SLC26A6: variants seen among roughly 807,000 people sequenced by gnomAD.
The protein encoded by SLC26A6 is solute carrier family 26 member 6.
A neutral mutation model predicts 87.1 loss-of-function variants in SLC26A6; 67 were observed. That is an observed-to-expected ratio of 0.77 (90% CI 0.63 to 0.94). The LOEUF is 0.94. Ranked by LOEUF, SLC26A6 falls within the 40% of genes least tolerant of loss-of-function variation. The pLI, the probability that SLC26A6 is intolerant of heterozygous loss-of-function variation, is 0.00. For missense variants in SLC26A6, 902 were observed against 973.0 expected, an observed-to-expected ratio of 0.93 and a Z score of 0.97; for synonymous variants, 414 against 405.9, an observed-to-expected ratio of 1.02 and a Z score of -0.24.
chr3:48,628,814 C>T lies in SLC26A6; in HGVS notation c.1600-100G>A, dbSNP rs2046699301. The T allele has an allele frequency of 5.8e-6, 8 of 1,368,674 alleles. No homozygotes were observed. Among genetic ancestry groups the T allele is most frequent in the South Asian group, 3.8e-5 (3 of 79,336 alleles). 84.8% of individuals were successfully genotyped at this position (1,368,674 alleles called of 1,614,324 possible). A position where few individuals can be genotyped will look rare whatever the true frequency, so the allele number is the denominator to read the frequency against. On this transcript the variant is annotated intron_variant, in intron 14 of 20. Transcript: ENST00000395550. The surrounding 1 kb of genome is among the most constrained non-coding windows in gnomAD (Gnocchi z 4.4). ...CCCTAGTGTGCCCAGTGCCTGCCAC[C>T]GCCCAGCCCTCTGCTCCCCAGGCTG...
At position 48,633,482 on chromosome 3, in the gene SLC26A6, C is replaced by A; in HGVS notation, c.177G>T (p.Trp59Cys). The A allele has an allele frequency of 6.2e-7, 1 of 1,612,980 alleles. No homozygotes were observed. The highest frequency in any genetic ancestry group is 8.5e-7 in the Non-Finnish European group (1 of 1,179,908). ...GGCCCCAATCTTGGCCTTACTGCAACCAGGTCCGCCACTGGTGGGTCCTAG... is the reference window on the plus strand; with the variant it reads ...GGCCCCAATCTTGGCCTTACTGCAAACAGGTCCGCCACTGGTGGGTCCTAG... ...SAPRTHQWRT[W>C]LQCSRARAYA... Residue 59 changes from tryptophan (W) to cysteine (C), a missense_variant, in exon 2 of 21, where the codon TGG (tryptophan) becomes TGT (cysteine). Around this residue, in one of 3 missense-constraint regions of SLC26A6, gnomAD observed 800 missense variants for 856.8 expected, o/e 0.93. Coordinates refer to ENST00000395550, the MANE Select transcript of SLC26A6 (RefSeq NM_022911.3).
intron 4 of SLC26A6, 32 bp from the exon 5 acceptor site, chr3:48,632,428 G>C (rs1224338766): frequency 1.9e-6 from 3 of 1,591,146 alleles, no homozygotes; most frequent in Non-Finnish European, 2.6e-6. Flanking sequence ...GGTCTGAAGA[G>C]GAGAGGACAC....
chr3:48,630,259 A>C (rs1575527005), intron 11 of SLC26A6, 102 bp from the exon 12 acceptor site: 2 of 1,391,560 alleles, frequency 1.4e-6, no homozygotes. Context: ...CTCAGGCAGT[A>C]CCCCAGACAC....
Position 48,631,103 on chromosome 3 carries a change from A to C in SLC26A6, c.1024T>G (p.Ser342Ala). The C allele has an allele frequency of 6.2e-7, 1 of 1,613,726 alleles. No individual in the cohort carries two copies. Among genetic ancestry groups the C allele is most frequent in the Non-Finnish European group, 8.5e-7 (1 of 1,180,036 alleles). The stretch of plus-strand genomic sequence containing the variant: ...GTGAAGGCGCTGCCCACGAGCTTTG[A>C]GAACAGCTGGGTGTTGGGGGCCACT... ...PPVAPNTQLF[S>A]KLVGSAFTIA... Residue 342 changes from serine to alanine, a missense_variant, in exon 9 of 21, where the codon TCA (serine) becomes GCA (alanine). Around this residue, in one of 3 missense-constraint regions of SLC26A6, gnomAD observed 800 missense variants for 856.8 expected, o/e 0.93. Coordinates refer to ENST00000395550, the MANE Select transcript of SLC26A6 (RefSeq NM_022911.3).
intron 14 of SLC26A6, among the ~76,000 whole-genome samples, chr3:48,629,078 G>A (rs2046707501): frequency 1.3e-5 from 2 of 152,184 alleles, no homozygotes; most frequent in Non-Finnish European, 1.5e-5. Context: ...TCGGGTCACA[G>A]CCCGGGTCTC....
chr3:48,629,741 G>A (rs749523409), intron 13 of SLC26A6, 30 bp from the exon 14 acceptor site: 66 of 1,611,604 alleles, frequency 4.1e-5, no homozygotes, highest in Admixed American at 3.5e-4. Flanking sequence ...TGCACGAAGA[G>A]GGGGCAGAAA....
At position 48,630,468 on chromosome 3, in the gene SLC26A6, T is replaced by G; in HGVS notation, c.1296A>C (p.Lys432Asn). 6.4e-7 allele frequency: 1 copy of G among 1,560,060 alleles called. No homozygotes were observed. The highest frequency in any genetic ancestry group is 8.7e-7 in the Non-Finnish European group (1 of 1,151,910). Residue 432 changes from lysine to asparagine, a missense_variant, in exon 11 of 21, where the codon AAA becomes AAC. Around this residue, in one of 3 missense-constraint regions of SLC26A6, gnomAD observed 800 missense variants for 856.8 expected, o/e 0.93. Transcript: ENST00000395550. ...GCAGGTCATGGAAGAGTTCCCCAAG[T>G]TTGACAATGATGAGGAGGATGAAAA... ...SSLFILLIIV[K>N]LGELFHDLPK...
intron 1 of SLC26A6, chr3:48,634,355 G>A (rs1283944480): frequency 6.6e-6 from 1 of 152,312 alleles, no homozygotes; most frequent in African/African-American, 2.4e-5. Flanking sequence ...AAGCTTTCAA[G>A]GGGAATCTCA....
intron 1 of SLC26A6, chr3:48,634,583 G>A (rs2046902244): frequency 9.6e-6 from 4 of 416,340 alleles, no homozygotes; most frequent in Non-Finnish European, 1.3e-5. Flanking sequence ...ATGGGGAAAA[G>A]CTGTCACCTG....
intron 20 of SLC26A6, 83 bp downstream of exon 20, chr3:48,626,135 A>G (rs1311889046): frequency 1.1e-5 from 17 of 1,609,816 alleles, no homozygotes; most frequent in Non-Finnish European, 1.4e-5. Flanking sequence ...GGCCACCAGG[A>G]AAGACTCCCT....
chr3:48,631,329 G>C (rs1463413236), intron 7 of SLC26A6, 23 bp from the exon 8 acceptor site: 1 of 1,546,514 alleles, frequency 6.5e-7, no homozygotes, highest in Non-Finnish European at 8.7e-7. Flanking sequence ...ACAGAGTCAG[G>C]GAGGCAGGTG....
intron 5 of SLC26A6, 100 bp from the exon 6 acceptor site, chr3:48,632,144 A>G (rs1156356588): frequency 6.3e-7 from 1 of 1,583,890 alleles, no homozygotes; most frequent in African/African-American, 1.3e-5. Context: ...GTAGACGGCA[A>G]GAGGAGGACG....
chr3:48,630,159 T>TG lies in SLC26A6; in HGVS notation c.1327-3dup. 4 of 1,606,566 alleles carry TG rather than the reference T, an allele frequency of 2.5e-6. No homozygotes were observed. The highest frequency in any genetic ancestry group is 3.4e-6 in the Non-Finnish European group (4 of 1,174,506). ...AATGATGATGGCTGCCAGGACCGCC[T>TG]GGGGTGGGGACAGTGCCACCAGGGG... On this transcript the variant is annotated splice_region_variant and splice_polypyrimidine_tract_variant and intron_variant, in intron 11 of 20. Transcript: ENST00000395550.
chr3:48,626,439 T>TCACCCCTGACCTC (rs568199769), intron 19 of SLC26A6, 85 bp from the exon 20 acceptor site: 3 of 1,592,800 alleles, frequency 1.9e-6, no homozygotes, highest in Non-Finnish European at 2.6e-6. Context: ...CCTGACCTCA[T>TCACCCCTGACCTC]CACCCCTGAC....
rs776567396 is a variant in SLC26A6, at chr3:48,631,729, C to T, written c.823G>A (p.Val275Met). The T allele has an allele frequency of 1.9e-6, 3 of 1,613,586 alleles. No individual in the cohort carries two copies. The highest frequency in any genetic ancestry group is 1.1e-5 in the South Asian group (1 of 91,086). Reference sequence around the variant, plus strand: ...AACAGCTTCACCACCACGAGCACCACCCCAGCCACAGCTGCAGTGACCACG... The same window carrying T: ...AACAGCTTCACCACCACGAGCACCATCCCAGCCACAGCTGCAGTGACCACG... ...GTVVTAAVAG[V>M]VLVVVKLLND... Residue 275 changes from valine to methionine, a missense_variant, in exon 7 of 21, where the codon GTG (valine) becomes ATG (methionine). Coordinates refer to ENST00000395550, the MANE Select transcript of SLC26A6 (RefSeq NM_022911.3).
rs1048803991 is a variant in SLC26A6, at chr3:48,634,593, G to A, written c.23+778C>T. ...GTGGAATGGGGAAAAGCTGTCACCTGGGAATAGATCTCACAGAAGGATCTT... is the reference window on the plus strand; with the variant it reads ...GTGGAATGGGGAAAAGCTGTCACCTAGGAATAGATCTCACAGAAGGATCTT... On this transcript the variant is annotated intron_variant, in intron 1 of 20. Coordinates refer to ENST00000395550, the MANE Select transcript of SLC26A6 (RefSeq NM_022911.3). 3 of 480,340 alleles carry A rather than the reference G, an allele frequency of 6.2e-6. No individual in the cohort carries two copies. In the African/African-American group the frequency reaches 6.3e-5, roughly 10 times the overall value. 29.8% of individuals were successfully genotyped at this position (480,340 alleles called of 1,614,324 possible).
chr3:48,633,347 G>A lies in SLC26A6; in HGVS notation c.226C>T (p.Pro76Ser), dbSNP rs2046865017. 6.2e-7 allele frequency: 1 copy of A among 1,613,474 alleles called. No homozygotes were observed. Among genetic ancestry groups the A allele is most frequent in the African/African-American group, 1.3e-5 (1 of 74,942 alleles). ...TACCGGGGTAACCAGACCAAAACCG[G>A]GAGGTGTTGGAGCAGAAGGGCATAG... Reference protein sequence around the residue: ...RAYALLLQHLPVLVWLPRYPV... With the variant: ...RAYALLLQHLSVLVWLPRYPV... The change falls in exon 3 of 21, where the codon CCG becomes TCG. Residue 76 changes from proline (P) to serine (S), a missense_variant. Physicochemically the swap from Pro to Ser is moderately conservative, Grantham distance 74. This residue lies in a region of SLC26A6 where 800 missense variants were observed against 856.8 expected (regional missense o/e 0.93). Coordinates refer to ENST00000395550, the MANE Select transcript of SLC26A6 (RefSeq NM_022911.3).
intron 12 of SLC26A6, 27 bp from the exon 13 acceptor site, chr3:48,630,005 G>C (rs765435618): frequency 1.9e-6 from 3 of 1,613,982 alleles, no homozygotes; most frequent in South Asian, 1.1e-5. Context: ...GCGGTTGGAG[G>C]GCGGCGAGGA....
rs371431273 is a variant in SLC26A6, at chr3:48,633,396, G to T, written c.183-6C>A. The T allele has an allele frequency of 7.4e-6, 12 of 1,613,146 alleles. No individual in the cohort carries two copies. The highest frequency in any genetic ancestry group is 9.3e-6 in the Non-Finnish European group (11 of 1,179,982). ...AGGCCCGAGCACGGGAGCACCTAGG[G>T]ACATGATATGAGGGGTAGGTGTCAG... On this transcript the variant is annotated splice_region_variant and splice_polypyrimidine_tract_variant and intron_variant, in intron 2 of 20. Coordinates refer to ENST00000395550, the MANE Select transcript of SLC26A6 (RefSeq NM_022911.3).
Sources: allele counts gnomAD v4.1 joint callset (sites outside exome capture counted in the v4.1 genomes callset), GRCh38; gene constraint gnomAD v4.1.1; regional missense constraint gnomAD v4.1.1; non-coding constraint Gnocchi (gnomAD v3.1); transcripts MANE v1.5; gene names NCBI Gene and HGNC (gene_info 2026-07-23, HGNC 2026-07-21).